AGTPBP1: variants seen among roughly 807,000 people sequenced by gnomAD.
AGTPBP1 encodes ATP/GTP binding carboxypeptidase 1.
In AGTPBP1, 70 loss-of-function variants were observed where a neutral mutation model predicts 143.9. That is an observed-to-expected ratio of 0.49 (90% confidence interval 0.40 to 0.59). AGTPBP1 has a LOEUF of 0.59. Among genes scored for constraint, AGTPBP1 ranks in the 20% least tolerant of loss-of-function variants. AGTPBP1 has a pLI of 0.00. For missense variants in AGTPBP1, 1,229 were observed against 1,464.5 expected (o/e 0.84, Z 2.62); for synonymous variants, 463 against 500.2 (o/e 0.93, Z 0.99).
In AGTPBP1 at chr9:85,591,333, A is replaced by C. The variant is rs548822703; in HGVS notation, c.2568+1227T>G. ...AGCTATAAAAGAACCCTCTGGCTAC[A>C]GTCTGGGGTTTGTGGGGTGGCAGCG... On this transcript the variant is annotated intron_variant, in intron 19 of 25. Transcript: ENST00000357081. Among the ~76,000 whole-genome samples, 4 of 152,188 alleles carry C rather than the reference A, an allele frequency of 2.6e-5. No homozygotes were observed. The East Asian group carries it at 7.7e-4, about 29-fold the overall frequency.
rs147980663 is a variant in AGTPBP1 at position 85,610,609 on chromosome 9, A to T, written c.2335+8374T>A. Among the ~76,000 whole-genome samples, 118 of 152,216 alleles carry T rather than the reference A, an allele frequency of 7.8e-4. 1 individual carries two copies. The Middle Eastern group carries it at 0.014, about 18-fold the overall frequency. Reference sequence around the variant, plus strand: ...CTATTGGGCACATTTTCTAGAATCCAACACTTAAATAGTACCCCAACCGGC... The same window carrying T: ...CTATTGGGCACATTTTCTAGAATCCTACACTTAAATAGTACCCCAACCGGC... On this transcript the variant is annotated intron_variant, in intron 17 of 25. Coordinates refer to ENST00000357081, the MANE Select transcript of AGTPBP1 (RefSeq NM_001330701.2).
At chr9:85,735,751 G>A (rs1019916916) in intron 1 of AGTPBP1, among the ~76,000 whole-genome samples, 1 of 152,054 alleles carries the variant, frequency 6.6e-6, no homozygotes, top group African/African-American at 2.4e-5. Flanking sequence ...AACCTAAAGA[G>A]TTCTTGTTAA....
chr9:85,570,966 G>A (rs1052234230), intron 25 of AGTPBP1, among the ~76,000 whole-genome samples: 3 of 152,154 alleles, frequency 2.0e-5, no homozygotes, highest in African/African-American at 7.2e-5. Flanking sequence ...CACTGTTAAG[G>A]AAGGGAATTA....
At chr9:85,654,911 T>C (rs1038178945) in intron 11 of AGTPBP1, among the ~76,000 whole-genome samples, 3 of 152,198 alleles carry the variant, frequency 2.0e-5, no homozygotes, top group African/African-American at 7.2e-5. Flanking sequence ...GAAGCTTAAT[T>C]ATTTCACAAT....
upstream of AGTPBP1, among the ~76,000 whole-genome samples, chr9:85,742,991 T>C (rs565934509): frequency 2.8e-4 from 42 of 152,342 alleles, no homozygotes; most frequent in African/African-American, 9.4e-4. Context: ...ACAGTGCTTC[T>C]TACAGTTTGC....
the AGTPBP1 span, among the ~76,000 whole-genome samples, chr9:85,779,253 A>C: frequency 6.8e-6 from 1 of 147,396 alleles, no homozygotes; most frequent in Non-Finnish European, 1.5e-5. Context: ...ATATCTATAT[A>C]AATATAAATA....
intron 1 of AGTPBP1, among the ~76,000 whole-genome samples, chr9:85,714,621 A>G (rs1321180473): frequency 1.3e-5 from 2 of 152,194 alleles, no homozygotes; most frequent in Non-Finnish European, 2.9e-5. Context: ...GCTTCATCAT[A>G]ATCTCACACT....
At chr9:85,626,829 A>G (rs138083615) in intron 14 of AGTPBP1, among the ~76,000 whole-genome samples, 202 of 152,354 alleles carry the variant, frequency 1.3e-3, no homozygotes, top group Non-Finnish European at 2.3e-3. Flanking sequence ...GGACACGAAT[A>G]TGAATTTCAT....
chr9:85,746,814 T>C (rs1295745146), upstream of AGTPBP1, among the ~76,000 whole-genome samples: 2 of 152,070 alleles, frequency 1.3e-5, no homozygotes, highest in Non-Finnish European at 2.9e-5. Flanking sequence ...TTGACTATAG[T>C]AATCATTTCA....
intron 1 of AGTPBP1, among the ~76,000 whole-genome samples, chr9:85,721,417 T>C (rs1023049812): frequency 1.3e-5 from 2 of 152,168 alleles, no homozygotes; most frequent in African/African-American, 2.4e-5. Context: ...CATCATGTAA[T>C]GGCCTTCTTG....
Position 85,596,567 on chromosome 9 carries a change from G to GA in AGTPBP1, c.2336-119_2336-118insT, listed in dbSNP as rs1447840731. ...GAAAGCAGAAGTAAATTACATTTCAGTTTTTTAGTATGTATTTTAAAAATC... is the reference window on the plus strand; with the variant it reads ...GAAAGCAGAAGTAAATTACATTTCAGATTTTTTAGTATGTATTTTAAAAATC... On this transcript the variant is annotated intron_variant, in intron 17 of 25. Coordinates refer to ENST00000357081, the MANE Select transcript of AGTPBP1 (RefSeq NM_001330701.2). 5 of 605,982 alleles carry GA rather than the reference G, an allele frequency of 8.3e-6. No individual in the cohort carries two copies. In the East Asian group the frequency reaches 1.5e-4, roughly 18 times the overall value. The allele number at this position is 605,982 out of a possible 1,614,324, so 37.5% of individuals were successfully genotyped here. A position where few individuals can be genotyped will look rare whatever the true frequency, so the allele number is the denominator to read the frequency against.
At chr9:85,680,122 ATAG>A (rs1835078995) in intron 4 of AGTPBP1, among the ~76,000 whole-genome samples, 1 of 152,204 alleles carries the variant, frequency 6.6e-6, no homozygotes, top group Non-Finnish European at 1.5e-5. Context: ...CTGTTACACT[ATAG>A]TAGTAGTCTA....
chr9:85,629,655 G>C (rs927661271), intron 14 of AGTPBP1, among the ~76,000 whole-genome samples: 2 of 152,174 alleles, frequency 1.3e-5, no homozygotes, highest in African/African-American at 4.8e-5. Context: ...AAGTCATCAT[G>C]CATTTAACTA....
chr9:85,574,371 AC>A (rs947240207), intron 25 of AGTPBP1, among the ~76,000 whole-genome samples: 10 of 149,238 alleles, frequency 6.7e-5, no homozygotes, highest in Non-Finnish European at 1.5e-4. Flanking sequence ...AAAACCAGAA[AC>A]CCTTGTTCAC....
intron 25 of AGTPBP1, among the ~76,000 whole-genome samples, chr9:85,558,912 C>T (rs1035419730): frequency 6.6e-6 from 1 of 152,222 alleles, no homozygotes; most frequent in African/African-American, 2.4e-5. Flanking sequence ...AGCCACTGCA[C>T]CTGGCCATCC....
rs72129899 is a variant in AGTPBP1 at position 85,566,529 on chromosome 9, C to CAA, written c.3503+8784_3503+8785dup. Among the ~76,000 whole-genome samples, 199 of 78,300 alleles carry CAA rather than the reference C, an allele frequency of 2.5e-3. 6 individuals are homozygous for CAA. The highest frequency in any genetic ancestry group is 4.5e-3 in the South Asian group (9 of 2,000). The allele number at this position is 78,300 out of a possible 152,430, so 51.4% of individuals were successfully genotyped here. A position where few individuals can be genotyped will look rare whatever the true frequency, so the allele number is the denominator to read the frequency against. Reference sequence around the variant, plus strand: ...TGGGCAACAGATCAAGACCATGTCTCAAAAAAAAAAAAAAAAAAAAGGCTG... The same window carrying CAA: ...TGGGCAACAGATCAAGACCATGTCTCAAAAAAAAAAAAAAAAAAAAAAGGCTG... On this transcript the variant is annotated intron_variant, in intron 25 of 25. Transcript: ENST00000357081.
chr9:85,694,400 T>G (rs543961138), intron 2 of AGTPBP1, among the ~76,000 whole-genome samples: 1 of 152,298 alleles, frequency 6.6e-6, no homozygotes, highest in East Asian at 1.9e-4. Flanking sequence ...AAGAGAAATA[T>G]GTACTGCTCT....
At chr9:85,689,423 T>G (rs1257443074) in intron 3 of AGTPBP1, among the ~76,000 whole-genome samples, 1 of 152,176 alleles carries the variant, frequency 6.6e-6, no homozygotes, top group African/African-American at 2.4e-5. Flanking sequence ...TCATAAATAA[T>G]GTATTATTCA....
In AGTPBP1 at chr9:85,587,177, T is replaced by C. The variant is rs562419575; in HGVS notation, c.2904-217A>G. Reference sequence around the variant, plus strand: ...GCTATGTGCAAGATTTTGTGTCACATGCATTTAACTGTGGTAAGTTTTCAG... The same window carrying C: ...GCTATGTGCAAGATTTTGTGTCACACGCATTTAACTGTGGTAAGTTTTCAG... On this transcript the variant is annotated intron_variant, in intron 21 of 25. Transcript: ENST00000357081. Among the ~76,000 whole-genome samples, 5 of 152,350 alleles carry C rather than the reference T, an allele frequency of 3.3e-5. No homozygotes were observed. In the South Asian group the frequency reaches 6.2e-4, roughly 19 times the overall value.
Sources: allele counts gnomAD v4.1 joint callset (sites outside exome capture counted in the v4.1 genomes callset), GRCh38; gene constraint gnomAD v4.1.1; transcripts MANE v1.5; gene names NCBI Gene and HGNC (gene_info 2026-07-23, HGNC 2026-07-21).